Variants in TP53BP1 observed in about 807,000 individuals in gnomAD.
TP53BP1 encodes the protein TP53-binding protein 1.
TP53BP1 carries 61 observed loss-of-function variants against 200.8 expected under a neutral mutation model. The ratio of observed to expected loss-of-function variants is 0.30; its 90% CI spans 0.25 to 0.38. The LOEUF is 0.38. TP53BP1 is among the 10% of genes least tolerant of loss of function. The probability of loss-of-function intolerance (pLI) is 1.00; values close to 1 mark genes in which losing one functional copy is unlikely to be tolerated. For synonymous variants in TP53BP1, 822 were observed against 844.3 expected, an observed-to-expected ratio of 0.97 and a Z score of 0.46; for missense variants, 2,144 against 2,371.9, an observed-to-expected ratio of 0.90 and a Z score of 2.00.
intron 1 of TP53BP1, among the ~76,000 whole-genome samples, chr15:43,509,774 A>C (rs892770756): frequency 6.6e-6 from 1 of 152,168 alleles, no homozygotes; most frequent in Non-Finnish European, 1.5e-5. Context: ...GCCTTGCTGA[A>C]TCTGATACTG....
intron 4 of TP53BP1, among the ~76,000 whole-genome samples, chr15:43,491,300 C>G (rs1372439020): frequency 6.6e-6 from 1 of 152,072 alleles, no homozygotes; most frequent in African/African-American, 2.4e-5. Flanking sequence ...AGGCTGGTCT[C>G]AAACTCCTGA....
At chr15:43,426,142 T>C (rs1484447301) in intron 18 of TP53BP1, among the ~76,000 whole-genome samples, 1 of 151,628 alleles carries the variant, frequency 6.6e-6, no homozygotes, top group East Asian at 1.9e-4. Context: ...GTATTTGGTA[T>C]ACACAAAGAA....
chr15:43,427,476 G>A (rs1270899126), intron 18 of TP53BP1, among the ~76,000 whole-genome samples: 6 of 152,230 alleles, frequency 3.9e-5, no homozygotes, highest in Non-Finnish European at 8.8e-5. Context: ...AGGAAAGCAT[G>A]ATGGGATGCA....
intron 21 of TP53BP1, chr15:43,417,329 C>G (rs1400968902): frequency 6.6e-6 from 1 of 152,228 alleles, no homozygotes; most frequent in African/African-American, 2.4e-5. Context: ...AACCCAGAGC[C>G]TACCCCACCC....
At chr15:43,442,510 T>C (rs2045948180) in intron 14 of TP53BP1, among the ~76,000 whole-genome samples, 1 of 151,888 alleles carries the variant, frequency 6.6e-6, no homozygotes, top group Admixed American at 6.6e-5. Flanking sequence ...ACTTTTTTTT[T>C]TTTTGGAGAC....
intron 11 of TP53BP1, among the ~76,000 whole-genome samples, chr15:43,460,419 G>A: frequency 6.6e-6 from 1 of 151,970 alleles, no homozygotes; most frequent in Non-Finnish European, 1.5e-5. Context: ...CACCACCAGA[G>A]CCAGGTAATT....
chr15:43,442,287 C>T (rs1016050162), intron 14 of TP53BP1, among the ~76,000 whole-genome samples: 27 of 151,764 alleles, frequency 1.8e-4, no homozygotes, highest in Non-Finnish European at 3.7e-4. Context: ...GGGGTTTCAC[C>T]GTGTTAGCCA....
rs1392958642 is a variant in TP53BP1, at chr15:43,404,692, C to G, written c.*2691G>C. Reference sequence around the variant, plus strand: ...GGCTTAGAGATAGAGGTGTGACCATCTTTAATAATTTTAATGGAGGTTATT... The same window carrying G: ...GGCTTAGAGATAGAGGTGTGACCATGTTTAATAATTTTAATGGAGGTTATT... On this transcript the variant is annotated 3_prime_UTR_variant, in exon 28 of 28. Coordinates refer to ENST00000382044, the MANE Select transcript of TP53BP1 (RefSeq NM_001141980.3). 2.2e-6 allele frequency: 2 copies of G among 892,020 alleles called. No homozygotes were observed. The highest frequency in any genetic ancestry group is 5.6e-5 in the Admixed American group (2 of 35,638). The allele number at this position is 892,020 out of a possible 1,614,324, so 55.3% of individuals were successfully genotyped here.
intron 17 of TP53BP1, among the ~76,000 whole-genome samples, chr15:43,431,927 G>A (rs377069719): frequency 6.6e-6 from 1 of 152,280 alleles, no homozygotes; most frequent in East Asian, 1.9e-4. Context: ...GACCCAGGCA[G>A]AATCTCTGGC....
intron 15 of TP53BP1, 117 bp from the exon 16 acceptor site, chr15:43,438,533 C>CCGGCT: frequency 1.4e-6 from 1 of 712,136 alleles, no homozygotes. Flanking sequence ...AAACTCCAAA[C>CCGGCT]CACCTTACAC....
chr15:43,447,192 C>G, intron 13 of TP53BP1, 174 bp downstream of exon 13: 47 of 595,862 alleles, frequency 7.9e-5, no homozygotes, highest in Non-Finnish European at 8.3e-5. Flanking sequence ...CCTCTCTTTA[C>G]CCCTCATCTC....
rs1186919940 is a variant in TP53BP1 at position 43,479,983 on chromosome 15, C to T, written c.534G>A (p.Leu178=). The change falls in exon 6 of 28, where the codon CTG becomes CTA. Residue 178 remains leucine (L), a synonymous_variant. Transcript: ENST00000382044. ...TASSQLGFGV[L]ELSQSQDVEE... ...CAACATCCTGGCTCTGGGAGAGTTCCAGAACCCCAAAACCCAACTGTGATG... is the reference window on the plus strand; with the variant it reads ...CAACATCCTGGCTCTGGGAGAGTTCTAGAACCCCAAAACCCAACTGTGATG... The T allele has an allele frequency of 2.5e-6, 4 of 1,613,976 alleles. No homozygotes were observed. In the Admixed American group the frequency reaches 6.7e-5, roughly 27 times the overall value.
intron 11 of TP53BP1, among the ~76,000 whole-genome samples, chr15:43,461,665 T>C (rs537393897): frequency 3.4e-5 from 5 of 148,450 alleles, no homozygotes; most frequent in Non-Finnish European, 7.5e-5. Context: ...TATGTGGATA[T>C]ACATTATATT....
At chr15:43,493,276 A>AG (rs1434195622), upstream of TP53BP1, 31 of 1,378,308 alleles carry the variant, frequency 2.2e-5, no homozygotes, top group Admixed American at 2.9e-5. Context: ...CGTAAGAAAA[A>AG]GGAACACGGC....
intron 15 of TP53BP1, 75 bp downstream of exon 15, chr15:43,441,451 C>T: frequency 1.0e-6 from 1 of 979,392 alleles, no homozygotes; most frequent in Admixed American, 1.9e-5. Flanking sequence ...AACTTTTTTC[C>T]TTTGTTGATA....
At chr15:43,469,671 T>C (rs1182721420) in intron 11 of TP53BP1, among the ~76,000 whole-genome samples, 187 bp downstream of exon 11, 2 of 152,194 alleles carry the variant, frequency 1.3e-5, no homozygotes, top group African/African-American at 2.4e-5. Context: ...AAAATCAAGA[T>C]GTTAGGTGAC....
At chr15:43,431,003 G>A (rs2045656310) in intron 17 of TP53BP1, among the ~76,000 whole-genome samples, 2 of 151,958 alleles carry the variant, frequency 1.3e-5, no homozygotes, top group South Asian at 2.1e-4. Flanking sequence ...TAAAACAAGG[G>A]TTACTTGAAT....
intron 21 of TP53BP1, among the ~76,000 whole-genome samples, chr15:43,417,517 A>G (rs1281219434): frequency 6.6e-6 from 1 of 152,256 alleles, no homozygotes; most frequent in African/African-American, 2.4e-5. Flanking sequence ...ACTAATGAAG[A>G]GCTACTAGAA....
In TP53BP1 at chr15:43,409,760, C is replaced by T. The variant is rs752038307; in HGVS notation, c.5306-19G>A. ...AAAAATTCTATATTAAAAAAAAAAA[C>T]CAAGATAATAATTACTGAGTGGTTT... On this transcript the variant is annotated intron_variant, in intron 24 of 27. Coordinates refer to ENST00000382044, the MANE Select transcript of TP53BP1 (RefSeq NM_001141980.3). The T allele has an allele frequency of 1.6e-6, 2 of 1,221,650 alleles. No homozygotes were observed. Among genetic ancestry groups the T allele is most frequent in the Admixed American group, 2.3e-5 (1 of 43,058 alleles). The allele number at this position is 1,221,650 out of a possible 1,614,324, so 75.7% of individuals were successfully genotyped here. A position where few individuals can be genotyped will look rare whatever the true frequency, so the allele number is the denominator to read the frequency against.
Sources: gnomAD v4.1 joint callset for allele counts (sites outside exome capture counted in the v4.1 genomes callset) on GRCh38, gnomAD v4.1.1 for gene constraint, MANE v1.5 for transcripts, NCBI Gene and HGNC (gene_info 2026-07-23, HGNC 2026-07-21) for gene names.